The following CHST11 variants were observed in gnomAD, a reference collection of about 807,000 sequenced individuals.
The protein encoded by CHST11 is C4S-1.
CHST11 carries 9 observed loss-of-function variants against 30.4 expected under a neutral mutation model. The ratio of observed to expected loss-of-function variants is 0.30; its 90% CI spans 0.18 to 0.52. The LOEUF is 0.52. Among genes scored for constraint, CHST11 ranks in the 20% least tolerant of loss-of-function variants. CHST11 has a pLI of 0.97. For missense variants in CHST11, 348 were observed against 460.6 expected, an observed-to-expected ratio of 0.76 and a Z score of 2.24; for synonymous variants, 152 against 187.8, an observed-to-expected ratio of 0.81 and a Z score of 1.56.
chr12:104,570,294 C>T lies in CHST11; in HGVS notation c.119-31612C>T, dbSNP rs530328964. Among the ~76,000 whole-genome samples, 11 of 152,228 alleles carry T rather than the reference C, an allele frequency of 7.2e-5. No homozygotes were observed. The South Asian group carries it at 8.3e-4, about 11-fold the overall frequency. On this transcript the variant is annotated intron_variant, in intron 1 of 2. Transcript: ENST00000303694. ...TTGTTCTTGTTGTATATGAGAAAATCGACTCATTTTTAACATTTCGCAAGC... is the reference window on the plus strand; with the variant it reads ...TTGTTCTTGTTGTATATGAGAAAATTGACTCATTTTTAACATTTCGCAAGC...
At chr12:104,742,945 G>A (rs901298541) in intron 2 of CHST11, among the ~76,000 whole-genome samples, 2 of 152,228 alleles carry the variant, frequency 1.3e-5, no homozygotes, top group African/African-American at 4.8e-5. Flanking sequence ...CTAAGCTCCT[G>A]TGTGGCAGCC....
At chr12:104,553,594 A>G (rs1275954322) in intron 1 of CHST11, 2 of 144,270 alleles carry the variant, frequency 1.4e-5, no homozygotes, top group African/African-American at 5.1e-5. Flanking sequence ...AGAGAGAGAG[A>G]GAGAGAGTGA....
At chr12:104,720,637 C>T (rs997959128) in intron 2 of CHST11, among the ~76,000 whole-genome samples, 9 of 151,992 alleles carry the variant, frequency 5.9e-5, no homozygotes, top group Admixed American at 2.6e-4. Flanking sequence ...GCAGCCAAGA[C>T]AAAAAACCCA....
In CHST11 at chr12:104,729,261, C is replaced by G. The variant is rs912818653; in HGVS notation, c.205-27688C>G. ...CACATACTCTGTCCCCTTGAGCAAGCCTCTCTGTGACCTACAGCTTCCTCC... is the reference window on the plus strand; with the variant it reads ...CACATACTCTGTCCCCTTGAGCAAGGCTCTCTGTGACCTACAGCTTCCTCC... On this transcript the variant is annotated intron_variant, in intron 2 of 2. Coordinates refer to ENST00000303694, the MANE Select transcript of CHST11 (RefSeq NM_018413.6). The surrounding 1 kb of genome is among the most constrained non-coding windows in gnomAD (Gnocchi z 4.0). Among the ~76,000 whole-genome samples the G allele has an allele frequency of 6.6e-6, 1 of 152,154 alleles. No homozygotes were observed. Among genetic ancestry groups the G allele is most frequent in the Admixed American group, 6.5e-5 (1 of 15,276 alleles).
At chr12:104,522,213 C>A (rs895278851) in intron 1 of CHST11, among the ~76,000 whole-genome samples, 34 of 152,186 alleles carry the variant, frequency 2.2e-4, no homozygotes, top group African/African-American at 8.2e-4. Context: ...ACAGAGCGAA[C>A]TTCCTGGGAA....
chr12:104,663,684 C>T (rs1432715483), intron 2 of CHST11, among the ~76,000 whole-genome samples: 3 of 152,136 alleles, frequency 2.0e-5, no homozygotes, highest in Non-Finnish European at 4.4e-5. Context: ...AATGGTTTGC[C>T]CAAGTGCATT....
chr12:104,532,239 C>T (rs1020720096), intron 1 of CHST11, among the ~76,000 whole-genome samples: 11 of 152,168 alleles, frequency 7.2e-5, no homozygotes, highest in Non-Finnish European at 1.0e-4. Flanking sequence ...GTCCTCTCTG[C>T]CTGGAGTGCC....
chr12:104,551,187 A>C (rs1203195699), intron 1 of CHST11, among the ~76,000 whole-genome samples: 1 of 152,176 alleles, frequency 6.6e-6, no homozygotes, highest in African/African-American at 2.4e-5. Context: ...CAATTTTACA[A>C]ATGTGACGAT....
chr12:104,661,061 A>G (rs2039593838), intron 2 of CHST11, among the ~76,000 whole-genome samples: 1 of 152,178 alleles, frequency 6.6e-6, no homozygotes, highest in African/African-American at 2.4e-5. Flanking sequence ...GATGTAGCTG[A>G]ATCTATGAGA....
rs756121766 is a variant in CHST11, at chr12:104,601,959, A to C, written c.172A>C (p.Ser58Arg). ...VDICCRKGSR[S>R]PLQELYNPIQ... ...CATCTGCTGCCGGAAGGGGTCCCGA[A>C]GCCCCCTGCAGGAACTCTACAACCC... Residue 58 changes from serine to arginine, a missense_variant, in exon 2 of 3, where the codon AGC (serine) becomes CGC (arginine). Physicochemically the swap from Ser to Arg is moderately radical, Grantham distance 110 (BLOSUM62 -1). This residue lies in a region of CHST11 where 135 missense variants were observed against 155.8 expected (regional missense o/e 0.87). Transcript: ENST00000303694. 1 of 1,613,964 alleles carries C rather than the reference A, an allele frequency of 6.2e-7. No individual in the cohort carries two copies. The highest frequency in any genetic ancestry group is 1.7e-5 in the Admixed American group (1 of 60,018).
intron 1 of CHST11, among the ~76,000 whole-genome samples, chr12:104,500,133 T>G (rs1023906375): frequency 2.0e-5 from 3 of 152,230 alleles, no homozygotes; most frequent in Non-Finnish European, 4.4e-5. Flanking sequence ...GGCCTCCCCC[T>G]TCCTGGGAGA....
chr12:104,500,406 G>C (rs891722624), intron 1 of CHST11, among the ~76,000 whole-genome samples: 1 of 152,162 alleles, frequency 6.6e-6, no homozygotes, highest in South Asian at 2.1e-4. Context: ...TTTAAGCCAC[G>C]TAGCTAATCA....
At chr12:104,540,630 G>A (rs535786712) in intron 1 of CHST11, among the ~76,000 whole-genome samples, 80 of 152,342 alleles carry the variant, frequency 5.3e-4, no homozygotes, top group African/African-American at 1.8e-3. Flanking sequence ...TTAGATTGGT[G>A]CCTCAGCAGA....
At chr12:104,468,786 G>A (rs1006422566) in intron 1 of CHST11, among the ~76,000 whole-genome samples, 6 of 152,116 alleles carry the variant, frequency 3.9e-5, no homozygotes, top group Admixed American at 6.6e-5. Flanking sequence ...AGTGAAAGTC[G>A]CAGACAAGAG....
intron 2 of CHST11, among the ~76,000 whole-genome samples, chr12:104,641,291 G>C (rs2039374327): frequency 6.6e-6 from 1 of 152,194 alleles, no homozygotes; most frequent in African/African-American, 2.4e-5. Context: ...CTGTCACATG[G>C]ACCATCCACT....
chr12:104,617,045 G>C (rs2039114746), intron 2 of CHST11, among the ~76,000 whole-genome samples: 1 of 152,206 alleles, frequency 6.6e-6, no homozygotes, highest in Non-Finnish European at 1.5e-5. Flanking sequence ...GGAGTCCCAA[G>C]GTGGGCCAGA....
At chr12:104,713,228 C>T (rs1447717530) in intron 2 of CHST11, among the ~76,000 whole-genome samples, 3 of 152,088 alleles carry the variant, frequency 2.0e-5, no homozygotes, top group South Asian at 2.1e-4. Context: ...GGCCCTCCTC[C>T]GAATCCAATA....
intron 1 of CHST11, among the ~76,000 whole-genome samples, chr12:104,490,024 C>T (rs1445045699): frequency 6.6e-6 from 1 of 152,170 alleles, no homozygotes; most frequent in Non-Finnish European, 1.5e-5. Context: ...AATTGTTTGT[C>T]CTCTGAGGCT....
chr12:104,756,348 G>A (rs539176733), intron 2 of CHST11, among the ~76,000 whole-genome samples: 29 of 152,170 alleles, frequency 1.9e-4, no homozygotes, highest in Admixed American at 6.5e-4. Flanking sequence ...TGGCCTTTGG[G>A]GAGAAACTTT....
Sources: gnomAD v4.1 joint callset for allele counts (sites outside exome capture counted in the v4.1 genomes callset) on GRCh38, gnomAD v4.1.1 for gene constraint, gnomAD v4.1.1 regional missense constraint, Gnocchi (gnomAD v3.1) non-coding constraint, MANE v1.5 for transcripts, NCBI Gene and HGNC (gene_info 2026-07-23, HGNC 2026-07-21) for gene names.